Variants in LRPPRC observed in about 807,000 individuals in gnomAD.
LRPPRC encodes the protein leucine rich pentatricopeptide repeat containing, also known as leucine-rich PPR motif-containing protein, mitochondrial.
A neutral mutation model predicts 180.3 loss-of-function variants in LRPPRC; 120 were observed. The observed-to-expected ratio is 0.67, with a 90% CI of 0.57 to 0.77. The LOEUF (loss-of-function observed/expected upper bound fraction) is 0.77. Among genes scored for constraint, LRPPRC ranks in the 30% least tolerant of loss-of-function variants. LRPPRC has a pLI of 0.00. For missense variants in LRPPRC, 2,012 were observed against 1,657.2 expected (o/e 1.21, Z -3.72); for synonymous variants, 723 against 600.0 (o/e 1.21, Z -3.00).
intron 35 of LRPPRC, among the ~76,000 whole-genome samples, chr2:43,895,928 TA>T (rs1352093416): frequency 6.6e-6 from 1 of 152,206 alleles, no homozygotes; most frequent in Non-Finnish European, 1.5e-5. Flanking sequence ...AATTTTTTTT[TA>T]AAAAATTTTT....
At chr2:43,956,747 A>T (rs1673134803) in intron 14 of LRPPRC, among the ~76,000 whole-genome samples, 1 of 152,064 alleles carries the variant, frequency 6.6e-6, no homozygotes, top group South Asian at 2.1e-4. Context: ...AAACTTAGCC[A>T]GGCGTGGTGG....
At chr2:43,947,093 T>C (rs1672706083) in intron 20 of LRPPRC, among the ~76,000 whole-genome samples, 164 bp downstream of exon 20, 3 of 152,084 alleles carry the variant, frequency 2.0e-5, no homozygotes, top group Admixed American at 6.6e-5. Context: ...AACATGCCAT[T>C]CAAGGTGTAG....
chr2:43,950,493 A>G (rs1305490667), intron 15 of LRPPRC, 80 bp downstream of exon 15: 17 of 1,268,796 alleles, frequency 1.3e-5, no homozygotes, highest in Non-Finnish European at 1.3e-5. Context: ...AGGTTTCATG[A>G]TAAAAATTAT....
chr2:43,968,550 A>G (rs187020952), intron 11 of LRPPRC, among the ~76,000 whole-genome samples: 173 of 152,330 alleles, frequency 1.1e-3, no homozygotes, highest in Non-Finnish European at 3.2e-4. Flanking sequence ...CAAGGTTTCA[A>G]TCAGGGTTTG....
chr2:43,994,105 CAGAAATGCTG>C (rs1674910027), intron 1 of LRPPRC, among the ~76,000 whole-genome samples: 2 of 151,984 alleles, frequency 1.3e-5, no homozygotes, highest in South Asian at 4.1e-4. Context: ...CCTGGCCTCA[CAGAAATGCTG>C]AGGATTAGAA....
intron 1 of LRPPRC, among the ~76,000 whole-genome samples, chr2:43,995,079 A>G (rs559793751): frequency 6.6e-6 from 1 of 152,176 alleles, no homozygotes; most frequent in East Asian, 1.9e-4. Context: ...AGTCTCTACT[A>G]AAAGTACAAA....
intron 1 of LRPPRC, among the ~76,000 whole-genome samples, chr2:43,989,367 G>A (rs890858419): frequency 3.9e-5 from 6 of 152,012 alleles, no homozygotes; most frequent in Non-Finnish European, 7.4e-5. Context: ...TCCACCTATC[G>A]AGATTTCCCT....
At chr2:43,953,999 A>T (rs1291372103) in intron 14 of LRPPRC, among the ~76,000 whole-genome samples, 1 of 152,230 alleles carries the variant, frequency 6.6e-6, no homozygotes, top group Non-Finnish European at 1.5e-5. Flanking sequence ...GCGAGACCTC[A>T]TCTCCATTTT....
chr2:43,943,604 G>A (rs1672568209), intron 23 of LRPPRC, 83 bp downstream of exon 23: 1 of 1,122,950 alleles, frequency 8.9e-7, no homozygotes, highest in East Asian at 2.4e-5. Context: ...CCATCATGAG[G>A]GTATTTATAA....
chr2:43,995,900 C>A lies in LRPPRC; in HGVS notation c.48G>T (p.Ala16=). The stretch of plus-strand genomic sequence containing the variant: ...GCAGGGAGAGCGGGAGGCGCGGGGC[C>A]GCCCCGGCACGCAGCAACCAACGCG... ...RSARWLLRAG[A]APRLPLSLRL... Residue 16 remains alanine (A), a synonymous_variant, in exon 1 of 38, where the codon GCG becomes GCT. Transcript: ENST00000260665. 1 of 1,512,136 alleles carries A rather than the reference C, an allele frequency of 6.6e-7. No homozygotes were observed. The highest frequency in any genetic ancestry group is 8.8e-7 in the Non-Finnish European group (1 of 1,137,980). 93.7% of individuals were successfully genotyped at this position (1,512,136 alleles called of 1,614,324 possible).
chr2:43,897,818 G>C (rs972045466), intron 34 of LRPPRC, among the ~76,000 whole-genome samples: 1 of 152,160 alleles, frequency 6.6e-6, no homozygotes, highest in African/African-American at 2.4e-5. Context: ...CAGAGAACAA[G>C]CTAGTAGATG....
intron 1 of LRPPRC, among the ~76,000 whole-genome samples, chr2:43,993,345 G>T (rs773802464): frequency 6.6e-6 from 1 of 152,112 alleles, no homozygotes; most frequent in Admixed American, 6.5e-5. Context: ...GCACCTTAAG[G>T]AATAATTTTT....
chr2:43,917,664 C>A (rs1334090381), intron 29 of LRPPRC, among the ~76,000 whole-genome samples: 1 of 152,028 alleles, frequency 6.6e-6, no homozygotes, highest in East Asian at 1.9e-4. Context: ...GGGCGGACAC[C>A]TGTAGTCCCA....
chr2:43,933,683 T>A (rs1261526836), intron 25 of LRPPRC, among the ~76,000 whole-genome samples: 1 of 152,064 alleles, frequency 6.6e-6, no homozygotes, highest in Non-Finnish European at 1.5e-5. Context: ...CCATTTCCCA[T>A]AAGCTGCTTA....
At position 43,977,077 on chromosome 2, in the gene LRPPRC, T is replaced by C. The variant is rs756297230; in HGVS notation, c.592-25A>G. ...CCTGTCAATGAAATGGGCCAGTTAA[T>C]TTTAAATATACTTTTTTTTCTGAGT... On this transcript the variant is annotated intron_variant, in intron 4 of 37. Coordinates refer to ENST00000260665, the MANE Select transcript of LRPPRC (RefSeq NM_133259.4). 6.2e-6 allele frequency: 10 copies of C among 1,611,346 alleles called. No homozygotes were observed. The East Asian group carries it at 8.9e-5, about 14-fold the overall frequency.
chr2:43,927,632 G>C (rs980372120), intron 25 of LRPPRC, among the ~76,000 whole-genome samples: 1 of 152,080 alleles, frequency 6.6e-6, no homozygotes, highest in East Asian at 1.9e-4. Flanking sequence ...TTCAGAACAC[G>C]GCAAAATGCA....
At chr2:43,933,487 G>A (rs1175249692) in intron 25 of LRPPRC, among the ~76,000 whole-genome samples, 1 of 152,154 alleles carries the variant, frequency 6.6e-6, no homozygotes, top group African/African-American at 2.4e-5. Context: ...TTTTTCTTAA[G>A]GCAATGGGTC....
chr2:43,928,069 G>A (rs1389969376), intron 25 of LRPPRC, among the ~76,000 whole-genome samples: 1 of 152,190 alleles, frequency 6.6e-6, no homozygotes, highest in Admixed American at 6.5e-5. Flanking sequence ...TTCTTTCTGT[G>A]TTGCCACATA....
intron 37 of LRPPRC, 26 bp downstream of exon 37, chr2:43,889,708 T>C: frequency 6.3e-7 from 1 of 1,582,776 alleles, no homozygotes; most frequent in East Asian, 2.2e-5. Flanking sequence ...AGAGGTATTT[T>C]TTCCCCTTAA....
Sources: gnomAD v4.1 joint callset for allele counts (sites outside exome capture counted in the v4.1 genomes callset) on GRCh38, gnomAD v4.1.1 for gene constraint, MANE v1.5 for transcripts, NCBI Gene and HGNC (gene_info 2026-07-23, HGNC 2026-07-21) for gene names.